The following ANKRD36 variants were observed in gnomAD, a reference collection of about 807,000 sequenced individuals.
ANKRD36 encodes ankyrin repeat domain 36, also known as ankyrin repeat domain-containing protein 36A.
In ANKRD36, 179 loss-of-function variants were observed where a neutral mutation model predicts 278.1. That is an observed-to-expected ratio of 0.64 (90% CI 0.57 to 0.73). The LOEUF is 0.73. Ranked by LOEUF, ANKRD36 falls within the 30% of genes least tolerant of loss-of-function variation. ANKRD36 has a pLI of 0.00. For synonymous variants in ANKRD36, 320 were observed against 641.1 expected (o/e 0.50, Z 7.57); for missense variants, 1,159 against 1,956.7 (o/e 0.59, Z 7.69).
In ANKRD36 at chr2:97,204,069, G is replaced by A. The variant is rs937140937; in HGVS notation, c.2961G>A (p.Val987=). Reference sequence around the variant, plus strand: ...TTAGGAATCCCTTTTACTTTTCAGTGTCTTCTGAGAAACCACCAGGCTTGA... The same window carrying A: ...TTAGGAATCCCTTTTACTTTTCAGTATCTTCTGAGAAACCACCAGGCTTGA... The part of the protein sequence containing the change: ...ENKDGEKSRT[V]SSEKPPGLKA... Residue 987 remains valine, a splice_region_variant and synonymous_variant, in exon 49 of 76, where the codon GTG becomes GTA. Coordinates refer to ENST00000420699, the MANE Select transcript of ANKRD36 (RefSeq NM_001354587.1). The A allele has an allele frequency of 1.3e-6, 2 of 1,571,090 alleles. No homozygotes were observed. The highest frequency in any genetic ancestry group is 1.4e-5 in the African/African-American group (1 of 73,250).
chr2:97,140,974 C>T (rs1222594450), intron 6 of ANKRD36, among the ~76,000 whole-genome samples: 1 of 151,788 alleles, frequency 6.6e-6, no homozygotes, highest in Non-Finnish European at 1.5e-5. Context: ...GGCTTCATTT[C>T]TCCTCCCTAG....
chr2:97,212,088 G>A (rs547234900), intron 58 of ANKRD36, among the ~76,000 whole-genome samples: 61 of 151,954 alleles, frequency 4.0e-4, no homozygotes, highest in East Asian at 5.9e-4. Flanking sequence ...TATTAGAGGC[G>A]TCAGATTGTA....
At position 97,142,098 on chromosome 2, in the gene ANKRD36, A is replaced by G. The variant is rs368534953; in HGVS notation, c.800-542A>G. ...TACTGTCTACTAGGATTCACCAAAC[A>G]TATATCCAAGCTGATCAATTTAGGA... On this transcript the variant is annotated intron_variant, in intron 6 of 75. Transcript: ENST00000420699. 1.5e-3 allele frequency among the ~76,000 whole-genome samples: 222 copies of G among 152,236 alleles called. No homozygotes were observed. The East Asian group carries it at 0.019, about 13-fold the overall frequency.
intron 11 of ANKRD36, among the ~76,000 whole-genome samples, chr2:97,147,723 T>C (rs1251760077): frequency 2.6e-5 from 4 of 151,814 alleles, no homozygotes; most frequent in African/African-American, 7.2e-5. Context: ...TTGAACCTAA[T>C]GAAAGTGAAT....
chr2:97,137,130 G>C (rs936459563), intron 6 of ANKRD36, among the ~76,000 whole-genome samples: 12 of 151,806 alleles, frequency 7.9e-5, no homozygotes, highest in African/African-American at 2.4e-4. Context: ...AAGGTCTAAG[G>C]CATGTACAAA....
chr2:97,178,817 TTAAAG>T (rs2055209093), intron 22 of ANKRD36, among the ~76,000 whole-genome samples: 2 of 151,574 alleles, frequency 1.3e-5, no homozygotes, highest in African/African-American at 4.8e-5. Flanking sequence ...ACCCTAAAAC[TTAAAG>T]TATAATAAAA....
intron 32 of ANKRD36, among the ~76,000 whole-genome samples, chr2:97,188,431 C>G (rs1048861525): frequency 3.3e-5 from 5 of 151,548 alleles, no homozygotes; most frequent in Non-Finnish European, 7.4e-5. Context: ...TTTGGTGCCA[C>G]GACTGGATGA....
At chr2:97,199,724 A>C (rs1264109038) in intron 44 of ANKRD36, among the ~76,000 whole-genome samples, 5 of 151,914 alleles carry the variant, frequency 3.3e-5, no homozygotes, top group Non-Finnish European at 7.4e-5. Flanking sequence ...GGATACAAGA[A>C]ACTCAGGCAA....
At chr2:97,181,019 A>C (rs1489509398) in intron 24 of ANKRD36, among the ~76,000 whole-genome samples, 1 of 151,726 alleles carries the variant, frequency 6.6e-6, no homozygotes, top group Non-Finnish European at 1.5e-5. Context: ...GCAAATTATT[A>C]CACCACATGG....
rs374358595 is a variant in ANKRD36 at position 97,198,639 on chromosome 2, T to C, written c.2736T>C (p.Asp912=). Reference sequence around the variant, plus strand: ...TGAATATAGCCAGAGGAAAAAAGGATGGAGAAAAAACTAAGAGAGGTAATT... The same window carrying C: ...TGAATATAGCCAGAGGAAAAAAGGACGGAGAAAAAACTAAGAGAGGTAATT... ...SVLNIARGKK[D]GEKTKRVSSR... The change falls in exon 44 of 76, where the codon GAT becomes GAC. Residue 912 remains aspartate, a synonymous_variant. Transcript: ENST00000420699. 4.3e-5 allele frequency: 67 copies of C among 1,543,208 alleles called. No individual in the cohort carries two copies. In the East Asian group the frequency reaches 7.1e-4, roughly 16 times the overall value.
rs1190728852 is a variant in ANKRD36 at position 97,181,031 on chromosome 2, T to C, written c.1736-567T>C. On this transcript the variant is annotated intron_variant, in intron 24 of 75. Coordinates refer to ENST00000420699, the MANE Select transcript of ANKRD36 (RefSeq NM_001354587.1). Reference sequence around the variant, plus strand: ...TAGGCAAATTATTACACCACATGGGTGTGAGAAATAATGAATATTATCTAC... The same window carrying C: ...TAGGCAAATTATTACACCACATGGGCGTGAGAAATAATGAATATTATCTAC... Among the ~76,000 whole-genome samples the C allele has an allele frequency of 2.0e-5, 3 of 151,828 alleles. No individual in the cohort carries two copies. In the East Asian group the frequency reaches 5.8e-4, roughly 30 times the overall value.
chr2:97,210,556 G>A (rs1159614990), intron 56 of ANKRD36, among the ~76,000 whole-genome samples: 1 of 151,800 alleles, frequency 6.6e-6, no homozygotes, highest in African/African-American at 2.4e-5. Context: ...AGAGATACAT[G>A]TTTTGTTGAT....
intron 17 of ANKRD36, among the ~76,000 whole-genome samples, chr2:97,158,886 A>T (rs2048179219): frequency 6.6e-6 from 1 of 152,052 alleles, no homozygotes; most frequent in Admixed American, 6.6e-5. Flanking sequence ...GAAGTGTGAC[A>T]ACAAGGGAAA....
At position 97,208,090 on chromosome 2, in the gene ANKRD36, G is replaced by A. The variant is rs1481345646; in HGVS notation, c.3265+84G>A. The A allele has an allele frequency of 1.3e-5, 17 of 1,310,244 alleles. 1 individual carries two copies. The highest frequency in any genetic ancestry group is 1.0e-4 in the East Asian group (4 of 39,946). 81.2% of individuals were successfully genotyped at this position (1,310,244 alleles called of 1,614,324 possible). On this transcript the variant is annotated intron_variant, in intron 54 of 75. Coordinates refer to ENST00000420699, the MANE Select transcript of ANKRD36 (RefSeq NM_001354587.1). ...CCCTGAATAAATCAGCGGGGGGCTC[G>A]TTGAAGCTGCACATTCTGATTCAGC...
chr2:97,227,674 T>C (rs1366746484), intron 67 of ANKRD36, among the ~76,000 whole-genome samples: 4 of 152,082 alleles, frequency 2.6e-5, no homozygotes, highest in African/African-American at 9.7e-5. Flanking sequence ...TGAATAGGAG[T>C]GGTGAGAGAG....
chr2:97,256,317 A>G (rs2076204367), intron 75 of ANKRD36, among the ~76,000 whole-genome samples: 1 of 152,070 alleles, frequency 6.6e-6, no homozygotes, highest in African/African-American at 2.4e-5. Flanking sequence ...AGACTGTGCC[A>G]TTGCACTCTA....
intron 20 of ANKRD36, among the ~76,000 whole-genome samples, 185 bp downstream of exon 20, chr2:97,164,654 C>T (rs1017879615): frequency 2.6e-5 from 4 of 152,308 alleles, no homozygotes; most frequent in Non-Finnish European, 4.4e-5. Context: ...ACATTTTACA[C>T]GGTGAGCTCT....
rs781035106 is a variant in ANKRD36, at chr2:97,204,136, A to G, written c.2988+40A>G. On this transcript the variant is annotated intron_variant, in intron 49 of 75. Coordinates refer to ENST00000420699, the MANE Select transcript of ANKRD36 (RefSeq NM_001354587.1). ...GTTTATATTGTGAACTAGTAAATGT[A>G]TAGTCTACGAAACATACTTTATTAA... 12 of 1,572,358 alleles carry G rather than the reference A, an allele frequency of 7.6e-6. No individual in the cohort carries two copies. In the South Asian group the frequency reaches 9.4e-5, roughly 12 times the overall value.
At chr2:97,193,132 G>A (rs2153570882) in intron 38 of ANKRD36, 79 bp downstream of exon 38, 1 of 1,339,158 alleles carries the variant, frequency 7.5e-7, no homozygotes, top group East Asian at 2.5e-5. Context: ...ATCAGCGGGG[G>A]GCTCGTTGAA....
Sources: gnomAD v4.1 joint callset for allele counts (sites outside exome capture counted in the v4.1 genomes callset) on GRCh38, gnomAD v4.1.1 for gene constraint, MANE v1.5 for transcripts, NCBI Gene and HGNC (gene_info 2026-07-23, HGNC 2026-07-21) for gene names.